LSP1: variants seen among roughly 807,000 people sequenced by gnomAD.
LSP1 encodes lymphocyte specific protein 1.
In LSP1, 32 loss-of-function variants were observed where a neutral mutation model predicts 49.3. That is an observed-to-expected ratio of 0.65 (90% CI 0.49 to 0.87). The LOEUF (loss-of-function observed/expected upper bound fraction) is 0.87, where lower values mean the gene tolerates loss of function less well. Among genes scored for constraint, LSP1 ranks in the 40% least tolerant of loss-of-function variants. The pLI is 0.00. For missense variants in LSP1, 428 were observed against 442.6 expected, an observed-to-expected ratio of 0.97 and a Z score of 0.30; for synonymous variants, 179 against 178.8, an observed-to-expected ratio of 1.00 and a Z score of -0.01.
At chr11:1,877,845 G>A (rs546709501) in intron 1 of LSP1, among the ~76,000 whole-genome samples, 2 of 152,046 alleles carry the variant, frequency 1.3e-5, no homozygotes, top group Non-Finnish European at 2.9e-5. Context: ...GCGCCCGGCC[G>A]CACTCCATGT....
intron 1 of LSP1, 105 bp downstream of exon 1, chr11:1,853,302 G>A (rs1847406925): frequency 5.4e-6 from 7 of 1,305,452 alleles, no homozygotes; most frequent in Non-Finnish European, 6.2e-6. Context: ...GGGGAATCTG[G>A]GGCCCCCAAT....
rs1360036528 is a variant in LSP1, at chr11:1,889,844, T to C, written c.*14-1929T>C. On this transcript the variant is annotated intron_variant, in intron 10 of 10. Coordinates refer to ENST00000311604, the MANE Select transcript of LSP1 (RefSeq NM_002339.3). ...CCTGGAAGCCGGGTGGCGGCCGTGG[T>C]ACAGGGGGCTCCTCAGGCAAGGGAC... 6 of 634,038 alleles carry C rather than the reference T, an allele frequency of 9.5e-6. No individual in the cohort carries two copies. In the Admixed American group the frequency reaches 1.6e-4, roughly 17 times the overall value. The allele number at this position is 634,038 out of a possible 1,614,324, so 39.3% of individuals were successfully genotyped here.
At chr11:1,855,027 T>C (rs185070132) in intron 1 of LSP1, among the ~76,000 whole-genome samples, 1 of 150,018 alleles carries the variant, frequency 6.7e-6, no homozygotes, top group African/African-American at 2.4e-5. Flanking sequence ...GCTGCACCTG[T>C]GCCGGGGCTG....
At chr11:1,880,561 C>T (rs534576054) in intron 2 of LSP1, 6 of 253,420 alleles carry the variant, frequency 2.4e-5, no homozygotes, top group Middle Eastern at 2.4e-3. Flanking sequence ...CACAGAGCCA[C>T]GTCCAACTTG....
At chr11:1,863,939 C>T (rs1365052725) in intron 1 of LSP1, among the ~76,000 whole-genome samples, 3 of 152,080 alleles carry the variant, frequency 2.0e-5, no homozygotes, top group African/African-American at 7.2e-5. Context: ...AGCAGCCTCC[C>T]CATTTGGGGA....
intron 1 of LSP1, among the ~76,000 whole-genome samples, chr11:1,869,467 G>A (rs1039487128): frequency 1.3e-5 from 2 of 152,044 alleles, no homozygotes; most frequent in South Asian, 4.1e-4. Context: ...AGAAGCGGGT[G>A]CAGGGTGGTG....
At chr11:1,871,098 C>G in intron 1 of LSP1, 2 of 985,560 alleles carry the variant, frequency 2.0e-6, no homozygotes, top group Non-Finnish European at 2.4e-6. Flanking sequence ...GGCGAGGGCC[C>G]CAGAAAGGTC....
At chr11:1,865,856 G>C (rs980247446) in intron 1 of LSP1, among the ~76,000 whole-genome samples, 1 of 151,876 alleles carries the variant, frequency 6.6e-6, no homozygotes, top group Non-Finnish European at 1.5e-5. Context: ...CTGAACTTTG[G>C]GCTGAGCTTA....
rs1264196456 is a variant in LSP1 at position 1,853,115 on chromosome 11, A to G, written c.-30A>G. 1.1e-5 allele frequency: 17 copies of G among 1,602,860 alleles called. No homozygotes were observed. The highest frequency in any genetic ancestry group is 1.4e-5 in the Non-Finnish European group (17 of 1,176,128). ...CGTACACCCACTCCAGGGATCTGCC[A>G]GCACCCTGTGGGGCCCAGACTACAG... On this transcript the variant is annotated 5_prime_UTR_variant, in exon 1 of 11. Coordinates refer to ENST00000311604, the MANE Select transcript of LSP1 (RefSeq NM_002339.3).
intron 1 of LSP1, chr11:1,876,758 TCC>T (rs1848327467): frequency 1.8e-6 from 1 of 563,144 alleles, no homozygotes; most frequent in African/African-American, 2.0e-5. Flanking sequence ...AGGGCCAGCG[TCC>T]CGAGTCGGGG....
chr11:1,881,968 C>G (rs1848566658), intron 3 of LSP1, among the ~76,000 whole-genome samples: 1 of 152,228 alleles, frequency 6.6e-6, no homozygotes, highest in Non-Finnish European at 1.5e-5. Context: ...CATCAGCACA[C>G]AGCTGCGGCC....
At chr11:1,857,242 C>A (rs1589804062) in intron 1 of LSP1, among the ~76,000 whole-genome samples, 2 of 152,322 alleles carry the variant, frequency 1.3e-5, no homozygotes, top group South Asian at 4.1e-4. Context: ...TCTTCCTGCG[C>A]CCCCTTCCTG....
In LSP1 at chr11:1,865,274, C is replaced by T. The variant is rs999383465; in HGVS notation, c.53+12077C>T. On this transcript the variant is annotated intron_variant, in intron 1 of 10. Transcript: ENST00000311604. ...GGATACCTCTTGAGGTAGGTCCCTC[C>T]TGCCCTGGCTGGGCATGGAGGGCAG... 2.3e-5 allele frequency: 23 copies of T among 983,066 alleles called. No individual in the cohort carries two copies. The African/African-American group carries it at 3.7e-4, about 16-fold the overall frequency. The allele number at this position is 983,066 out of a possible 1,614,324, so 60.9% of individuals were successfully genotyped here. A position where few individuals can be genotyped will look rare whatever the true frequency, so the allele number is the denominator to read the frequency against.
Position 1,884,696 on chromosome 11 carries a change from C to G in LSP1, c.717+115C>G. ...CCGCCTTATTCAACCAACACCCTAT[C>G]CAACCAATGCTTCTCCATCCAGTCA... On this transcript the variant is annotated intron_variant, in intron 7 of 10. Coordinates refer to ENST00000311604, the MANE Select transcript of LSP1 (RefSeq NM_002339.3). The surrounding 1 kb of genome is among the most constrained non-coding windows in gnomAD (Gnocchi z 4.1). 1 of 793,812 alleles carries G rather than the reference C, an allele frequency of 1.3e-6. No individual in the cohort carries two copies. Among genetic ancestry groups the G allele is most frequent in the Admixed American group, 2.1e-5 (1 of 47,146 alleles). 49.2% of individuals were successfully genotyped at this position (793,812 alleles called of 1,614,324 possible).
intron 2 of LSP1, chr11:1,881,098 ACCCTCAGGGAGC>A (rs1189848619): frequency 8.0e-6 from 2 of 250,150 alleles, no homozygotes; most frequent in Non-Finnish European, 7.8e-6. Context: ...GCACAGCCTT[ACCCTCAGGGAGC>A]CCCAAACTGA....
intron 1 of LSP1, among the ~76,000 whole-genome samples, chr11:1,871,636 C>T (rs1848012347): frequency 1.3e-5 from 2 of 152,342 alleles, no homozygotes; most frequent in South Asian, 2.1e-4. Context: ...GTCATAGATG[C>T]CCTTTGGTCA....
intron 9 of LSP1, 25 bp downstream of exon 9, chr11:1,887,339 A>G: frequency 6.2e-7 from 1 of 1,604,794 alleles, no homozygotes; most frequent in Non-Finnish European, 8.5e-7. Context: ...TGGTTGGTGC[A>G]GGCAGGGTGG....
At chr11:1,867,358 C>T (rs1198076074) in intron 1 of LSP1, among the ~76,000 whole-genome samples, 3 of 145,572 alleles carry the variant, frequency 2.1e-5, no homozygotes, top group African/African-American at 7.7e-5. Context: ...CACCCACACA[C>T]ACACATGCAC....
At chr11:1,887,429 C>A (rs1260265107) in intron 9 of LSP1, 45 bp from the exon 10 acceptor site, 1 of 1,583,686 alleles carries the variant, frequency 6.3e-7, no homozygotes, top group Admixed American at 1.7e-5. Flanking sequence ...GCATCATCTC[C>A]TTTCTGCTGC....
Sources: gnomAD v4.1 joint callset for allele counts (sites outside exome capture counted in the v4.1 genomes callset) on GRCh38, gnomAD v4.1.1 for gene constraint, Gnocchi (gnomAD v3.1) non-coding constraint, MANE v1.5 for transcripts, NCBI Gene and HGNC (gene_info 2026-07-23, HGNC 2026-07-21) for gene names.